ARFIP1: variants seen among roughly 807,000 people sequenced by gnomAD.
ARFIP1 encodes ARF interacting protein 1, also known as arfaptin-1.
ARFIP1 carries 24 observed loss-of-function variants against 42.5 expected under a neutral mutation model. The ratio of observed to expected loss-of-function variants is 0.57; its 90% CI spans 0.41 to 0.80. The LOEUF (loss-of-function observed/expected upper bound fraction) is 0.80, where lower values mean the gene tolerates loss of function less well. Ranked by LOEUF, ARFIP1 falls within the 30% of genes least tolerant of loss-of-function variation. ARFIP1 has a pLI of 0.00. For synonymous variants in ARFIP1, 141 were observed against 153.7 expected (o/e 0.92, Z 0.61); for missense variants, 354 against 434.0 (o/e 0.82, Z 1.64).
intron 2 of ARFIP1, among the ~76,000 whole-genome samples, chr4:152,858,057 T>C (rs1248388515): frequency 6.6e-6 from 1 of 152,180 alleles, no homozygotes; most frequent in African/African-American, 2.4e-5. Flanking sequence ...TTTGGGAGGC[T>C]GAGACGGGCG....
chr4:152,831,676 A>C (rs1731249748), intron 2 of ARFIP1, among the ~76,000 whole-genome samples: 1 of 152,190 alleles, frequency 6.6e-6, no homozygotes, highest in Non-Finnish European at 1.5e-5. Flanking sequence ...CTATCAGTGG[A>C]ATCATACAGT....
chr4:152,880,655 A>C (rs930006026), intron 5 of ARFIP1, among the ~76,000 whole-genome samples: 1 of 152,216 alleles, frequency 6.6e-6, no homozygotes, highest in Non-Finnish European at 1.5e-5. Context: ...ATTAGTCTTA[A>C]TGCCAAATAT....
intron 1 of ARFIP1, among the ~76,000 whole-genome samples, chr4:152,822,317 AAAGAC>A (rs1730451029): frequency 6.6e-6 from 1 of 150,620 alleles, no homozygotes; most frequent in African/African-American, 2.5e-5. Context: ...AAAAAAAAAA[AAAGAC>A]AAGGTCATTA....
intron 2 of ARFIP1, among the ~76,000 whole-genome samples, chr4:152,839,454 A>G (rs1197547660): frequency 1.3e-5 from 2 of 151,998 alleles, no homozygotes; most frequent in African/African-American, 4.8e-5. Context: ...TTTCAGTCTC[A>G]CTGCTTGTTA....
intron 1 of ARFIP1, among the ~76,000 whole-genome samples, chr4:152,804,155 AT>A: frequency 8.4e-6 from 1 of 119,740 alleles, no homozygotes; most frequent in African/African-American, 3.4e-5. Context: ...TGTATTATAT[AT>A]TATATATAAT....
intron 8 of ARFIP1, 81 bp from the exon 9 acceptor site, chr4:152,909,983 A>G (rs2149919270): frequency 6.7e-7 from 1 of 1,497,942 alleles, no homozygotes; most frequent in East Asian, 2.3e-5. Context: ...ACACTATTTA[A>G]TTAAGGAATG....
At chr4:152,866,103 TAAC>T (rs978164117) in intron 3 of ARFIP1, among the ~76,000 whole-genome samples, 1 of 152,000 alleles carries the variant, frequency 6.6e-6, no homozygotes, top group Non-Finnish European at 1.5e-5. Context: ...AGCATCTGTT[TAAC>T]AAAGCACATC....
At chr4:152,805,909 G>A (rs1050044500) in intron 1 of ARFIP1, among the ~76,000 whole-genome samples, 2 of 152,192 alleles carry the variant, frequency 1.3e-5, no homozygotes, top group African/African-American at 4.8e-5. Flanking sequence ...GAGCTTTTAT[G>A]TAATACAAGG....
intron 8 of ARFIP1, among the ~76,000 whole-genome samples, chr4:152,898,999 T>A (rs538694520): frequency 6.6e-6 from 1 of 152,338 alleles, no homozygotes; most frequent in African/African-American, 2.4e-5. Context: ...GTCCAAAAGC[T>A]GGTGAGCACA....
chr4:152,834,135 G>A (rs971433264), intron 2 of ARFIP1, among the ~76,000 whole-genome samples: 5 of 152,138 alleles, frequency 3.3e-5, no homozygotes, highest in African/African-American at 1.2e-4. Flanking sequence ...AACTAACTGA[G>A]CAAGAACTCA....
chr4:152,805,932 T>C (rs1728961203), intron 1 of ARFIP1, among the ~76,000 whole-genome samples: 2 of 152,224 alleles, frequency 1.3e-5, no homozygotes, highest in Non-Finnish European at 2.9e-5. Context: ...GGCTCTGCCC[T>C]TTCCCAAGCC....
intron 7 of ARFIP1, among the ~76,000 whole-genome samples, chr4:152,886,141 A>T (rs1361115276): frequency 5.3e-5 from 8 of 151,988 alleles, no homozygotes. Context: ...GTCCTGATTC[A>T]GTGACTCATT....
chr4:152,858,227 G>A (rs1160658816), intron 2 of ARFIP1, among the ~76,000 whole-genome samples: 1 of 152,158 alleles, frequency 6.6e-6, no homozygotes, highest in Non-Finnish European at 1.5e-5. Flanking sequence ...AGGGGGTGGA[G>A]GTTACAGTGG....
At chr4:152,799,007 T>A (rs1731642550) in intron 1 of ARFIP1, among the ~76,000 whole-genome samples, 1 of 152,218 alleles carries the variant, frequency 6.6e-6, no homozygotes, top group African/African-American at 2.4e-5. Flanking sequence ...TTGTTTTACA[T>A]AGGTCACAAA....
intron 1 of ARFIP1, among the ~76,000 whole-genome samples, chr4:152,825,112 T>A (rs569956885): frequency 6.6e-6 from 1 of 152,038 alleles, no homozygotes; most frequent in Admixed American, 6.5e-5. Flanking sequence ...TCCATAAGAA[T>A]CTGTATTCTG....
chr4:152,850,860 G>T (rs1327366845), intron 2 of ARFIP1: 1 of 152,232 alleles, frequency 6.6e-6, no homozygotes, highest in Non-Finnish European at 1.5e-5. Flanking sequence ...TAATTGTGGA[G>T]AAGCAGAGAG....
intron 2 of ARFIP1, among the ~76,000 whole-genome samples, chr4:152,848,185 T>C (rs1350822581): frequency 6.6e-6 from 1 of 152,214 alleles, no homozygotes; most frequent in Admixed American, 6.5e-5. Flanking sequence ...ATTAATTAAA[T>C]AGCTGTACCA....
chr4:152,908,893 TGTGTGTG>T (rs745580796), intron 8 of ARFIP1, among the ~76,000 whole-genome samples: 5 of 20,292 alleles, frequency 2.5e-4, no homozygotes. Flanking sequence ...TAGAGAGAAG[TGTGTGTG>T]TGTGTGTGTG....
At chr4:152,900,940 G>A (rs889449625) in intron 8 of ARFIP1, among the ~76,000 whole-genome samples, 2 of 152,194 alleles carry the variant, frequency 1.3e-5, no homozygotes, top group Admixed American at 6.5e-5. Context: ...GCCAGTAACT[G>A]CTTTGAAGAA....
Sources: allele counts gnomAD v4.1 joint callset (sites outside exome capture counted in the v4.1 genomes callset), GRCh38; gene constraint gnomAD v4.1.1; transcripts MANE v1.5; gene names NCBI Gene and HGNC (gene_info 2026-07-23, HGNC 2026-07-21).